The following IGSF10 variants were observed in gnomAD, a reference collection of about 807,000 sequenced individuals.
IGSF10 encodes the protein calvaria mechanical force protein 608.
IGSF10 carries 126 observed loss-of-function variants against 128.2 expected under a neutral mutation model. That is an observed-to-expected ratio of 0.98 (90% CI 0.85 to 1.14). IGSF10 has a LOEUF of 1.14. IGSF10 is among the 50% of genes most tolerant of loss of function. The pLI, the probability that IGSF10 is intolerant of heterozygous loss-of-function variation, is 0.00. For synonymous variants in IGSF10, 1,185 were observed against 1,146.2 expected, an observed-to-expected ratio of 1.03 and a Z score of -0.68; for missense variants, 3,295 against 3,149.8, an observed-to-expected ratio of 1.05 and a Z score of -1.10.
chr3:151,603,577 C>G, the IGSF10 span, among the ~76,000 whole-genome samples: 1 of 152,258 alleles, frequency 6.6e-6, no homozygotes, highest in South Asian at 2.1e-4. Context: ...TCAAGAGAAG[C>G]TGAACCAATC....
chr3:151,532,989 G>A, the IGSF10 span, among the ~76,000 whole-genome samples: 1 of 152,142 alleles, frequency 6.6e-6, no homozygotes, highest in Non-Finnish European at 1.5e-5. Context: ...AAATCAATGT[G>A]CAAAAATCAT....
chr3:151,434,817 C>T (rs1354640998), downstream of IGSF10: 1 of 152,188 alleles, frequency 6.6e-6, no homozygotes, highest in Admixed American at 6.5e-5. Flanking sequence ...AATTGCATAG[C>T]ATTTGTATGC....
chr3:151,473,522 A>G, the IGSF10 span, among the ~76,000 whole-genome samples: 2 of 152,228 alleles, frequency 1.3e-5, no homozygotes, highest in Non-Finnish European at 2.9e-5. Context: ...GGAATTACCT[A>G]TGTTGGTACA....
At chr3:151,525,716 C>T in the IGSF10 span, among the ~76,000 whole-genome samples, 1 of 152,182 alleles carries the variant, frequency 6.6e-6, no homozygotes, top group East Asian at 1.9e-4. Context: ...CCACATGCCC[C>T]ACTCCATACC....
At chr3:151,496,033 C>A in the IGSF10 span, among the ~76,000 whole-genome samples, 1 of 151,998 alleles carries the variant, frequency 6.6e-6, no homozygotes, top group Non-Finnish European at 1.5e-5. Flanking sequence ...CTATACAGTG[C>A]CATTAGAGGA....
At chr3:151,513,502 C>T in the IGSF10 span, among the ~76,000 whole-genome samples, 2 of 152,272 alleles carry the variant, frequency 1.3e-5, no homozygotes, top group Admixed American at 6.5e-5. Context: ...GACAGACCCT[C>T]AGCCAATATC....
chr3:151,523,736 C>T, the IGSF10 span, among the ~76,000 whole-genome samples: 1 of 152,136 alleles, frequency 6.6e-6, no homozygotes, highest in Non-Finnish European at 1.5e-5. Flanking sequence ...CCATCCTAGG[C>T]ATAGGAACTG....
chr3:151,512,774 A>G, the IGSF10 span, among the ~76,000 whole-genome samples: 1 of 152,238 alleles, frequency 6.6e-6, no homozygotes, highest in Non-Finnish European at 1.5e-5. Context: ...AAAAATGACA[A>G]AGGGGATATC....
the IGSF10 span, among the ~76,000 whole-genome samples, chr3:151,563,065 G>C: frequency 6.6e-6 from 1 of 151,920 alleles, no homozygotes; most frequent in East Asian, 1.9e-4. Context: ...TGAATCTCTG[G>C]GTTGGCCACT....
chr3:151,534,581 C>A, the IGSF10 span, among the ~76,000 whole-genome samples: 12 of 150,958 alleles, frequency 7.9e-5, no homozygotes, highest in Non-Finnish European at 1.8e-4. Flanking sequence ...TTTCTGTTCT[C>A]ACTCGTAAGT....
At chr3:151,499,806 T>C in the IGSF10 span, 29 of 152,204 alleles carry the variant, frequency 1.9e-4, no homozygotes, top group African/African-American at 6.5e-4. Flanking sequence ...GAATAAAATA[T>C]GGGCCCTGCA....
the IGSF10 span, among the ~76,000 whole-genome samples, chr3:151,608,662 G>T: frequency 1.3e-5 from 2 of 151,984 alleles, no homozygotes; most frequent in South Asian, 2.1e-4. Context: ...TGACCTAAAG[G>T]TCCTTCAGTC....
chr3:151,567,077 C>CCTT, the IGSF10 span, among the ~76,000 whole-genome samples: 6 of 152,110 alleles, frequency 3.9e-5, no homozygotes, highest in Non-Finnish European at 5.9e-5. Context: ...TGGATGTGGG[C>CCTT]CTATGAAGTA....
At chr3:151,454,019 CTTTTT>C (rs142736294) in intron 4 of IGSF10, among the ~76,000 whole-genome samples, 3 of 126,660 alleles carry the variant, frequency 2.4e-5, no homozygotes, top group Non-Finnish European at 3.3e-5. Context: ...TTTTCTTTTT[CTTTTT>C]TTTTTTTTTT....
chr3:151,596,907 C>T, the IGSF10 span, among the ~76,000 whole-genome samples: 2 of 152,176 alleles, frequency 1.3e-5, no homozygotes, highest in East Asian at 1.9e-4. Flanking sequence ...AATGGTATGG[C>T]GAGCTGCCAC....
At chr3:151,532,014 GA>G in the IGSF10 span, among the ~76,000 whole-genome samples, 6 of 152,060 alleles carry the variant, frequency 3.9e-5, no homozygotes, top group African/African-American at 1.4e-4. Flanking sequence ...TGATCCCACA[GA>G]AATACAAACT....
At chr3:151,476,293 C>G in the IGSF10 span, 1 of 152,244 alleles carries the variant, frequency 6.6e-6, no homozygotes, top group East Asian at 1.9e-4. Context: ...GTTCTTGTAT[C>G]GGTTTGAACC....
the IGSF10 span, among the ~76,000 whole-genome samples, chr3:151,511,739 C>G: frequency 5.9e-5 from 9 of 152,172 alleles, no homozygotes; most frequent in East Asian, 1.2e-3. Flanking sequence ...TGCAGAGACA[C>G]ACATGCTCAA....
the IGSF10 span, among the ~76,000 whole-genome samples, chr3:151,597,204 T>C: frequency 2.0e-5 from 3 of 152,186 alleles, no homozygotes; most frequent in Admixed American, 1.3e-4. Context: ...TTAGGCACTG[T>C]GTAGGTGTTG....
Sources: gnomAD v4.1 joint callset for allele counts (sites outside exome capture counted in the v4.1 genomes callset) on GRCh38, gnomAD v4.1.1 for gene constraint, MANE v1.5 for transcripts, NCBI Gene and HGNC (gene_info 2026-07-23, HGNC 2026-07-21) for gene names.